Variants in STARD9 observed in about 807,000 individuals in gnomAD.
STARD9 encodes the protein stAR-related lipid transfer protein 9.
In STARD9, 346 loss-of-function variants were observed where a neutral mutation model predicts 399.8. The ratio of observed to expected loss-of-function variants is 0.87; its 90% CI spans 0.79 to 0.95. The LOEUF is 0.95. Ranked by LOEUF, STARD9 falls within the 40% of genes least tolerant of loss-of-function variation. The probability of loss-of-function intolerance (pLI) is 0.00; values close to 1 mark genes in which losing one functional copy is unlikely to be tolerated. For missense variants in STARD9, 5,832 were observed against 5,667.5 expected (o/e 1.03, Z -0.93); for synonymous variants, 2,203 against 2,143.5 (o/e 1.03, Z -0.77).
intron 26 of STARD9, among the ~76,000 whole-genome samples, chr15:42,707,049 T>A (rs1384535188): frequency 1.3e-5 from 2 of 152,242 alleles, no homozygotes; most frequent in Non-Finnish European, 2.9e-5. Context: ...TGGTTTTTGC[T>A]TTCACAATAT....
intron 1 of STARD9, among the ~76,000 whole-genome samples, chr15:42,580,959 G>A (rs1186061677): frequency 6.6e-6 from 1 of 152,220 alleles, no homozygotes; most frequent in Non-Finnish European, 1.5e-5. Flanking sequence ...GTCAGATGAA[G>A]CTCATCTTCC....
intron 9 of STARD9, among the ~76,000 whole-genome samples, chr15:42,660,313 C>A (rs967128707): frequency 2.6e-5 from 4 of 152,018 alleles, no homozygotes; most frequent in Non-Finnish European, 5.9e-5. Context: ...GCCTGTAATC[C>A]CATCACTTTG....
At chr15:42,699,604 A>G (rs1477261267) in intron 26 of STARD9, among the ~76,000 whole-genome samples, 5 of 151,854 alleles carry the variant, frequency 3.3e-5, no homozygotes, top group East Asian at 3.9e-4. Context: ...CATGTTAGCC[A>G]GGATGGTCTC....
intron 7 of STARD9, among the ~76,000 whole-genome samples, chr15:42,644,600 T>C (rs1197697806): frequency 6.6e-6 from 1 of 152,176 alleles, no homozygotes; most frequent in Admixed American, 6.5e-5. Context: ...TGGTGCAGGA[T>C]TTTTTCTTAG....
intron 10 of STARD9, among the ~76,000 whole-genome samples, chr15:42,662,244 GA>G: frequency 6.6e-6 from 1 of 152,170 alleles, no homozygotes; most frequent in Non-Finnish European, 1.5e-5. Flanking sequence ...TCTTGAGGGG[GA>G]TAATGTGATC....
At chr15:42,604,393 A>G (rs904171120) in intron 3 of STARD9, among the ~76,000 whole-genome samples, 22 of 152,198 alleles carry the variant, frequency 1.4e-4, no homozygotes, top group African/African-American at 5.1e-4. Context: ...AAATATGCCA[A>G]GAATTGTGCT....
chr15:42,597,713 T>C (rs1306067260), intron 3 of STARD9, among the ~76,000 whole-genome samples: 1 of 152,010 alleles, frequency 6.6e-6, no homozygotes, highest in Non-Finnish European at 1.5e-5. Flanking sequence ...TTTTTGTATT[T>C]TTTAGTAGAG....
intron 3 of STARD9, among the ~76,000 whole-genome samples, chr15:42,611,295 A>T (rs1396873351): frequency 1.3e-5 from 2 of 152,230 alleles, no homozygotes; most frequent in Admixed American, 6.5e-5. Flanking sequence ...ATGATCCACA[A>T]AGCTGAAAAT....
At chr15:42,583,490 T>A in intron 2 of STARD9, 75 bp downstream of exon 2, 3 of 1,099,726 alleles carry the variant, frequency 2.7e-6, no homozygotes, top group Non-Finnish European at 4.0e-6. Flanking sequence ...AGGCTGAAGG[T>A]GTATATGTGA....
In STARD9 at chr15:42,689,770, A is replaced by T. The variant is rs1405265318; in HGVS notation, c.8192A>T (p.Glu2731Val). The T allele has an allele frequency of 6.5e-7, 1 of 1,537,418 alleles. No individual in the cohort carries two copies. The highest frequency in any genetic ancestry group is 2.4e-5 in the East Asian group (1 of 40,930). ...DSPRSSAPVE[E>V]VRRVVSKKVV... ...CCTCGTTCTTCAGCACCTGTGGAGG[A>T]GGTCAGGAGGGTAGTATCAAAGAAG... The change falls in exon 23 of 33, where the codon GAG (glutamate) becomes GTG (valine). Residue 2731 changes from glutamate (E) to valine (V), a missense_variant. Glu to Val is a moderately radical substitution (Grantham distance 121). Around this residue, in one of 2 missense-constraint regions of STARD9, gnomAD observed 5,828 missense variants for 5,651.1 expected, o/e 1.03. Transcript: ENST00000290607.
intron 3 of STARD9, among the ~76,000 whole-genome samples, chr15:42,591,853 C>T (rs910319191): frequency 2.6e-5 from 4 of 152,168 alleles, no homozygotes; most frequent in Non-Finnish European, 4.4e-5. Flanking sequence ...TATTGATAGC[C>T]AGATACAATT....
At chr15:42,647,463 A>G (rs2059667280) in intron 7 of STARD9, among the ~76,000 whole-genome samples, 1 of 152,168 alleles carries the variant, frequency 6.6e-6, no homozygotes, top group Non-Finnish European at 1.5e-5. Context: ...TTCCTGGTTC[A>G]TTGAACACTT....
chr15:42,586,454 C>T (rs1595582563), intron 3 of STARD9, among the ~76,000 whole-genome samples: 2 of 152,216 alleles, frequency 1.3e-5, no homozygotes, highest in East Asian at 3.8e-4. Flanking sequence ...AGTGGGTCTA[C>T]AGGACTTCTC....
rs1595774203 is a variant in STARD9, at chr15:42,687,325, G to A, written c.5747G>A (p.Arg1916Gln). The change falls in exon 23 of 33, where the codon CGA (arginine) becomes CAA (glutamine). Residue 1916 changes from arginine (R) to glutamine (Q), a missense_variant. Coordinates refer to ENST00000290607, the MANE Select transcript of STARD9 (RefSeq NM_020759.3). ...CTCCTCTTTCGTGAATCTGAGGCAC[G>A]AGAGGAAGAAGAGCTGGATCAGAAT... ...KSLLFRESEA[R>Q]EEEELDQNTV... is the part of the protein sequence containing the mutation. 3.9e-6 allele frequency: 6 copies of A among 1,536,764 alleles called. No individual in the cohort carries two copies. Among genetic ancestry groups the A allele is most frequent in the African/African-American group, 2.7e-5 (2 of 73,168 alleles).
intron 2 of STARD9, 80 bp downstream of exon 2, chr15:42,583,495 A>G: frequency 9.7e-7 from 1 of 1,032,206 alleles, no homozygotes; most frequent in Non-Finnish European, 1.4e-6. Context: ...GAAGGTGTAT[A>G]TGTGAATGTG....
intron 26 of STARD9, among the ~76,000 whole-genome samples, chr15:42,713,428 C>CT (rs1363354608): frequency 6.6e-6 from 1 of 152,114 alleles, no homozygotes; most frequent in Non-Finnish European, 1.5e-5. Context: ...CTCCAGTACA[C>CT]TGTTTATTAG....
At chr15:42,610,649 A>G (rs576124875) in intron 3 of STARD9, among the ~76,000 whole-genome samples, 5 of 152,142 alleles carry the variant, frequency 3.3e-5, no homozygotes, top group African/African-American at 1.2e-4. Flanking sequence ...CCCGGGTTCA[A>G]GCTTCTCCTG....
chr15:42,596,664 C>G (rs1483712602), intron 3 of STARD9, among the ~76,000 whole-genome samples: 5 of 152,100 alleles, frequency 3.3e-5, no homozygotes, highest in Non-Finnish European at 4.4e-5. Context: ...GTGTAGCTGA[C>G]CAACAAAAGG....
At chr15:42,629,808 G>A (rs1395493291) in intron 3 of STARD9, 1 of 151,764 alleles carries the variant, frequency 6.6e-6, no homozygotes, top group Admixed American at 6.6e-5. Context: ...AGTTTCTCAA[G>A]GGTTTTTTTT....
Sources: gnomAD v4.1 joint callset for allele counts (sites outside exome capture counted in the v4.1 genomes callset) on GRCh38, gnomAD v4.1.1 for gene constraint, gnomAD v4.1.1 regional missense constraint, MANE v1.5 for transcripts, NCBI Gene and HGNC (gene_info 2026-07-23, HGNC 2026-07-21) for gene names.